ERBB4: variants seen among roughly 807,000 people sequenced by gnomAD.
ERBB4 encodes the protein receptor tyrosine-protein kinase erbB-4.
ERBB4 carries 42 observed loss-of-function variants against 158.0 expected under a neutral mutation model. The observed-to-expected ratio is 0.27, with a 90% confidence interval of 0.21 to 0.34. The LOEUF is 0.34. Ranked by LOEUF, ERBB4 falls within the 10% of genes least tolerant of loss-of-function variation. ERBB4 has a pLI of 1.00. For synonymous variants in ERBB4, 583 were observed against 558.7 expected, an observed-to-expected ratio of 1.04 and a Z score of -0.61; for missense variants, 1,333 against 1,624.1, an observed-to-expected ratio of 0.82 and a Z score of 3.08.
At chr2:211,863,481 C>G (rs896157925) in intron 3 of ERBB4, among the ~76,000 whole-genome samples, 1 of 152,190 alleles carries the variant, frequency 6.6e-6, no homozygotes, top group Non-Finnish European at 1.5e-5. Context: ...CCTTTATGAG[C>G]TGTAACACTT....
At chr2:212,040,970 GTCT>G (rs1475932318) in intron 2 of ERBB4, among the ~76,000 whole-genome samples, 1 of 152,050 alleles carries the variant, frequency 6.6e-6, no homozygotes, top group Admixed American at 6.6e-5. Flanking sequence ...TTCAGGAGAG[GTCT>G]TCTAACAAGC....
At chr2:211,994,928 T>G (rs963380001) in intron 2 of ERBB4, among the ~76,000 whole-genome samples, 2 of 152,192 alleles carry the variant, frequency 1.3e-5, no homozygotes, top group Non-Finnish European at 2.9e-5. Context: ...TTATAGAGCC[T>G]AGGATCAACT....
intron 1 of ERBB4, among the ~76,000 whole-genome samples, chr2:212,453,511 G>C (rs1201900009): frequency 1.4e-4 from 21 of 151,972 alleles, no homozygotes; most frequent in Non-Finnish European, 5.9e-5. Context: ...GTTTAAATAG[G>C]GTTCTTATTT....
chr2:212,050,844 T>C (rs2077380745), intron 2 of ERBB4, among the ~76,000 whole-genome samples: 1 of 152,158 alleles, frequency 6.6e-6, no homozygotes, highest in African/African-American at 2.4e-5. Context: ...TCTGAGATTC[T>C]TAAATAATGC....
rs536282570 is a variant in ERBB4, at chr2:211,606,231, A to G, written c.2301+12946T>C. 2.6e-4 allele frequency among the ~76,000 whole-genome samples: 39 copies of G among 152,234 alleles called. 1 individual carries two copies. Among genetic ancestry groups the G allele is most frequent in the Non-Finnish European group, 4.4e-4 (30 of 67,946 alleles). On this transcript the variant is annotated intron_variant, in intron 19 of 27. Transcript: ENST00000342788. ...TCATTTTCAGTTAGAAAACCCTGCT[A>G]GCGGAATTATATCTGGGCTATTTCT...
chr2:211,495,053 T>C (rs2065435445), intron 20 of ERBB4, among the ~76,000 whole-genome samples: 1 of 152,092 alleles, frequency 6.6e-6, no homozygotes, highest in South Asian at 2.1e-4. Context: ...TAGTACTTGT[T>C]TTGGGAGATT....
intron 1 of ERBB4, among the ~76,000 whole-genome samples, chr2:212,264,773 A>T (rs1290330505): frequency 6.6e-6 from 1 of 152,178 alleles, no homozygotes; most frequent in East Asian, 1.9e-4. Context: ...AAAGGTTCAC[A>T]TTTAAATCTT....
intron 1 of ERBB4, among the ~76,000 whole-genome samples, chr2:212,268,316 A>T (rs115701995): frequency 0.01 from 1,552 of 151,988 alleles, 25 homozygotes; most frequent in African/African-American, 0.036. Context: ...AAGTGAGATA[A>T]AAAATGGAAT....
chr2:212,202,762 G>C (rs1308140828), intron 1 of ERBB4, among the ~76,000 whole-genome samples: 1 of 152,086 alleles, frequency 6.6e-6, no homozygotes, highest in Non-Finnish European at 1.5e-5. Flanking sequence ...TTCAATCCAG[G>C]AAAGACTGAT....
chr2:211,459,576 A>G (rs989032285), intron 20 of ERBB4, among the ~76,000 whole-genome samples: 1 of 152,184 alleles, frequency 6.6e-6, no homozygotes, highest in African/African-American at 2.4e-5. Context: ...CTCACATGGT[A>G]GTGAATAAAT....
chr2:212,533,930 G>C (rs1187024076), intron 1 of ERBB4, among the ~76,000 whole-genome samples: 3 of 152,108 alleles, frequency 2.0e-5, no homozygotes, highest in Admixed American at 2.0e-4. Context: ...ACTAATTTCA[G>C]TACAAATATT....
chr2:211,958,130 C>T (rs940345473), intron 2 of ERBB4, among the ~76,000 whole-genome samples: 4 of 152,024 alleles, frequency 2.6e-5, no homozygotes, highest in African/African-American at 4.8e-5. Flanking sequence ...CAATATCTGT[C>T]TAAATATTTG....
intron 20 of ERBB4, among the ~76,000 whole-genome samples, chr2:211,504,498 A>G (rs1157323741): frequency 6.6e-6 from 1 of 152,074 alleles, no homozygotes; most frequent in Admixed American, 6.5e-5. Context: ...CTAAGATGTA[A>G]CAGTTTCTAC....
intron 20 of ERBB4, among the ~76,000 whole-genome samples, chr2:211,554,028 T>G (rs2125707002): frequency 6.6e-6 from 1 of 152,348 alleles, no homozygotes; most frequent in Middle Eastern, 3.4e-3. Context: ...GTATTATTCA[T>G]GACAGTTTTT....
intron 3 of ERBB4, among the ~76,000 whole-genome samples, chr2:211,865,023 T>A (rs368544064): frequency 2.6e-5 from 4 of 151,916 alleles, no homozygotes; most frequent in African/African-American, 7.2e-5. Context: ...AAATAAAAAA[T>A]AAATAAATAA....
intron 2 of ERBB4, among the ~76,000 whole-genome samples, chr2:212,050,732 G>T (rs550042730): frequency 1.3e-5 from 2 of 152,176 alleles, no homozygotes; most frequent in African/African-American, 4.8e-5. Flanking sequence ...CATGATTATG[G>T]TGATTAAGGA....
intron 19 of ERBB4, among the ~76,000 whole-genome samples, chr2:211,614,108 A>C (rs1468605512): frequency 1.3e-5 from 2 of 152,032 alleles, no homozygotes; most frequent in Non-Finnish European, 2.9e-5. Flanking sequence ...AATGCAATCA[A>C]GTCATTTGCA....
At chr2:211,763,396 T>G (rs1575111237) in intron 4 of ERBB4, among the ~76,000 whole-genome samples, 1 of 152,052 alleles carries the variant, frequency 6.6e-6, no homozygotes, top group Non-Finnish European at 1.5e-5. Flanking sequence ...TGGATAAAAT[T>G]ATTATGAGTT....
intron 15 of ERBB4, 40 bp from the exon 16 acceptor site, chr2:211,657,868 C>T (rs1297713316): frequency 2.5e-6 from 4 of 1,607,172 alleles, no homozygotes; most frequent in Non-Finnish European, 1.7e-6. Context: ...ATTCTCCATC[C>T]ACAGTGACAT....
Sources: allele counts gnomAD v4.1 joint callset (sites outside exome capture counted in the v4.1 genomes callset), GRCh38; gene constraint gnomAD v4.1.1; transcripts MANE v1.5; gene names NCBI Gene and HGNC (gene_info 2026-07-23, HGNC 2026-07-21).